Variants in COL25A1 observed in about 807,000 individuals in gnomAD.
The protein encoded by COL25A1 is collagen alpha-1(XXV) chain.
In COL25A1, 103 loss-of-function variants were observed where a neutral mutation model predicts 128.4. The observed-to-expected ratio is 0.80, with a 90% CI of 0.68 to 0.94. COL25A1 has a LOEUF of 0.94. Ranked by LOEUF, COL25A1 falls within the 40% of genes least tolerant of loss-of-function variation. The pLI, the probability that COL25A1 is intolerant of heterozygous loss-of-function variation, is 0.00. For synonymous variants in COL25A1, 279 were observed against 277.2 expected (o/e 1.01, Z -0.06); for missense variants, 745 against 840.0 (o/e 0.89, Z 1.40).
At chr4:109,033,114 C>A (rs942803431) in intron 5 of COL25A1, among the ~76,000 whole-genome samples, 1 of 152,220 alleles carries the variant, frequency 6.6e-6, no homozygotes, top group African/African-American at 2.4e-5. Flanking sequence ...TGACAAATTG[C>A]AAACCTCAGC....
intron 6 of COL25A1, among the ~76,000 whole-genome samples, chr4:109,005,089 A>G (rs2345006): frequency 0.8 from 121,661 of 152,184 alleles, 49,737 homozygotes; most frequent in East Asian, 1. Flanking sequence ...ACTGGCTCAC[A>G]ATTCTGCAGG....
At chr4:109,292,011 A>G (rs1218754401) in intron 3 of COL25A1, among the ~76,000 whole-genome samples, 2 of 152,120 alleles carry the variant, frequency 1.3e-5, no homozygotes, top group Non-Finnish European at 2.9e-5. Flanking sequence ...CTTACAGTAC[A>G]GTATTTCAAA....
chr4:109,277,060 C>T (rs1722920156), intron 3 of COL25A1, among the ~76,000 whole-genome samples: 1 of 152,126 alleles, frequency 6.6e-6, no homozygotes, highest in African/African-American at 2.4e-5. Context: ...AGTTTGTAAC[C>T]ACTTCTTTCT....
At chr4:109,294,756 G>A (rs1724815578) in intron 3 of COL25A1, among the ~76,000 whole-genome samples, 1 of 152,008 alleles carries the variant, frequency 6.6e-6, no homozygotes, top group African/African-American at 2.4e-5. Context: ...TTCATGATAG[G>A]TTCTGGACGG....
At chr4:109,080,702 T>C (rs1048582931) in intron 3 of COL25A1, among the ~76,000 whole-genome samples, 2 of 152,218 alleles carry the variant, frequency 1.3e-5, no homozygotes, top group Non-Finnish European at 2.9e-5. Context: ...GTTATTTAGA[T>C]ATATCAGACT....
At chr4:109,299,173 A>T (rs1341763845) in intron 3 of COL25A1, among the ~76,000 whole-genome samples, 3 of 152,200 alleles carry the variant, frequency 2.0e-5, no homozygotes, top group Non-Finnish European at 4.4e-5. Flanking sequence ...ATACAAAAAA[A>T]TGCTGGACTC....
intron 31 of COL25A1, among the ~76,000 whole-genome samples, chr4:108,840,683 A>G (rs992190413): frequency 2.0e-5 from 3 of 152,118 alleles, no homozygotes; most frequent in Non-Finnish European, 4.4e-5. Flanking sequence ...CCTTCCTGTT[A>G]GTTGCACCAA....
At chr4:109,086,651 A>C (rs1482961590) in intron 3 of COL25A1, among the ~76,000 whole-genome samples, 1 of 152,192 alleles carries the variant, frequency 6.6e-6, no homozygotes, top group Non-Finnish European at 1.5e-5. Context: ...CTAAATAAGC[A>C]ATCAGTGTTA....
chr4:109,296,480 G>A (rs905909911), intron 3 of COL25A1, among the ~76,000 whole-genome samples: 2 of 151,968 alleles, frequency 1.3e-5, no homozygotes, highest in African/African-American at 4.8e-5. Flanking sequence ...AGCTTCTTGA[G>A]GGAAGATACC....
chr4:108,986,761 A>G (rs1753702162), intron 6 of COL25A1, among the ~76,000 whole-genome samples: 1 of 152,188 alleles, frequency 6.6e-6, no homozygotes, highest in African/African-American at 2.4e-5. Flanking sequence ...TGAAATTTAA[A>G]TATGGACTGA....
chr4:109,223,744 G>T (rs1400940088), intron 3 of COL25A1, among the ~76,000 whole-genome samples: 1 of 152,080 alleles, frequency 6.6e-6, no homozygotes, highest in Non-Finnish European at 1.5e-5. Context: ...ATAATCAGCC[G>T]ATTATTTAAC....
intron 5 of COL25A1, among the ~76,000 whole-genome samples, chr4:109,032,202 T>C (rs1023392118): frequency 2.0e-5 from 3 of 152,140 alleles, no homozygotes; most frequent in African/African-American, 7.2e-5. Flanking sequence ...TACTGAGACA[T>C]ACATTTGCGT....
At chr4:108,834,423 G>A (rs910415314) in intron 31 of COL25A1, 3 of 1,547,112 alleles carry the variant, frequency 1.9e-6, no homozygotes, top group Non-Finnish European at 2.6e-6. Flanking sequence ...GGGTTGGTGG[G>A]TGTAACACGA....
chr4:109,239,663 G>A (rs1779748768), intron 3 of COL25A1, among the ~76,000 whole-genome samples: 2 of 151,358 alleles, frequency 1.3e-5, no homozygotes. Context: ...GGAAGGCCTA[G>A]GACATTACTG....
chr4:109,097,508 G>A (rs919546377), intron 3 of COL25A1, among the ~76,000 whole-genome samples: 3 of 151,170 alleles, frequency 2.0e-5, no homozygotes, highest in Non-Finnish European at 2.9e-5. Context: ...AGCTACCTGG[G>A]AGTGTGAGGT....
intron 3 of COL25A1, among the ~76,000 whole-genome samples, chr4:109,203,432 A>G (rs1776727177): frequency 6.6e-6 from 1 of 152,082 alleles, no homozygotes; most frequent in African/African-American, 2.4e-5. Context: ...GATGGAGTCC[A>G]CCAAATCCAG....
rs183540609 is a variant in COL25A1 at position 109,210,698 on chromosome 4, G to A, written c.367+89885C>T. Among the ~76,000 whole-genome samples, 132 of 152,090 alleles carry A rather than the reference G, an allele frequency of 8.7e-4. 1 individual carries two copies. The highest frequency in any genetic ancestry group is 2.4e-3 in the Admixed American group (36 of 15,262). On this transcript the variant is annotated intron_variant, in intron 3 of 37. Transcript: ENST00000399132. Reference sequence around the variant, plus strand: ...AAATACAGTCTCAATCTGACCCCTAGAAAGTGAGTCTCCTGCGATAATTAA... The same window carrying A: ...AAATACAGTCTCAATCTGACCCCTAAAAAGTGAGTCTCCTGCGATAATTAA...
At chr4:109,064,334 G>A (rs1207243273) in intron 3 of COL25A1, among the ~76,000 whole-genome samples, 1 of 152,106 alleles carries the variant, frequency 6.6e-6, no homozygotes, top group East Asian at 1.9e-4. Context: ...CCCAAAACTT[G>A]GAAAACATTT....
At chr4:109,024,558 T>A (rs1167719946) in intron 5 of COL25A1, among the ~76,000 whole-genome samples, 1 of 151,966 alleles carries the variant, frequency 6.6e-6, no homozygotes, top group Non-Finnish European at 1.5e-5. Flanking sequence ...AAATAGTGGT[T>A]CCCTACGGAT....
Sources: allele counts gnomAD v4.1 joint callset (sites outside exome capture counted in the v4.1 genomes callset), GRCh38; gene constraint gnomAD v4.1.1; transcripts MANE v1.5; gene names NCBI Gene and HGNC (gene_info 2026-07-23, HGNC 2026-07-21).